SLC4A10: variants seen among roughly 807,000 people sequenced by gnomAD.
SLC4A10 encodes the protein solute carrier family 4 member 10, also known as sodium-driven chloride bicarbonate exchanger.
SLC4A10 carries 42 observed loss-of-function variants against 137.7 expected under a neutral mutation model. The ratio of observed to expected loss-of-function variants is 0.30; its 90% CI spans 0.24 to 0.39. The LOEUF (loss-of-function observed/expected upper bound fraction) is 0.39. Among genes scored for constraint, SLC4A10 ranks in the 10% least tolerant of loss-of-function variants. The pLI is 1.00. For synonymous variants in SLC4A10, 474 were observed against 464.1 expected (o/e 1.02, Z -0.27); for missense variants, 925 against 1,355.0 (o/e 0.68, Z 4.98).
At chr2:161,899,692 T>A (rs955123939) in intron 11 of SLC4A10, among the ~76,000 whole-genome samples, 1 of 152,130 alleles carries the variant, frequency 6.6e-6, no homozygotes, top group African/African-American at 2.4e-5. Context: ...TTCTGAGACC[T>A]GTGAAAGCTA....
intron 1 of SLC4A10, among the ~76,000 whole-genome samples, chr2:161,698,191 C>T (rs992502154): frequency 6.6e-6 from 1 of 152,196 alleles, no homozygotes; most frequent in Non-Finnish European, 1.5e-5. Context: ...TGCTTCCCAG[C>T]TTAAGGAGAT....
At chr2:161,801,415 A>T (rs2055353691) in intron 2 of SLC4A10, among the ~76,000 whole-genome samples, 1 of 151,884 alleles carries the variant, frequency 6.6e-6, no homozygotes, top group African/African-American at 2.4e-5. Context: ...TCAAAATTAC[A>T]CTGTCTGCTG....
intron 1 of SLC4A10, among the ~76,000 whole-genome samples, chr2:161,681,492 C>T (rs1300137855): frequency 1.3e-5 from 2 of 152,112 alleles, no homozygotes; most frequent in African/African-American, 2.4e-5. Flanking sequence ...TATACATTTT[C>T]TAATCCTAAA....
intron 1 of SLC4A10, among the ~76,000 whole-genome samples, chr2:161,750,659 A>G (rs1440314740): frequency 1.3e-5 from 2 of 151,802 alleles, no homozygotes; most frequent in East Asian, 1.9e-4. Context: ...TGTAATCTAT[A>G]CTGGAGAATA....
chr2:161,636,240 G>C (rs1208306068), intron 1 of SLC4A10, among the ~76,000 whole-genome samples: 1 of 152,070 alleles, frequency 6.6e-6, no homozygotes, highest in Non-Finnish European at 1.5e-5. Context: ...AGATCATGCA[G>C]TATTTGTCCT....
intron 26 of SLC4A10, among the ~76,000 whole-genome samples, chr2:161,980,211 G>A (rs565678718): frequency 6.6e-6 from 1 of 152,260 alleles, no homozygotes; most frequent in African/African-American, 2.4e-5. Flanking sequence ...CTTGGTGACA[G>A]AGGCTAGTCT....
chr2:161,946,554 G>T (rs544272496), intron 16 of SLC4A10, among the ~76,000 whole-genome samples: 6 of 152,120 alleles, frequency 3.9e-5, no homozygotes, highest in African/African-American at 1.4e-4. Context: ...GAGATCACTG[G>T]ATCATTTAAA....
At chr2:161,738,949 C>T (rs1177591524) in intron 1 of SLC4A10, among the ~76,000 whole-genome samples, 2 of 152,140 alleles carry the variant, frequency 1.3e-5, no homozygotes, top group Non-Finnish European at 2.9e-5. Context: ...CTTTTAGCCC[C>T]AATTTTGCCA....
chr2:161,856,389 A>ACACACG (rs2125862259), intron 5 of SLC4A10, among the ~76,000 whole-genome samples: 1 of 148,170 alleles, frequency 6.7e-6, no homozygotes, highest in East Asian at 2.0e-4. Context: ...ACACACACAC[A>ACACACG]CACACACACC....
At chr2:161,739,320 A>C (rs534519531) in intron 1 of SLC4A10, among the ~76,000 whole-genome samples, 203 of 152,270 alleles carry the variant, frequency 1.3e-3, no homozygotes, top group Admixed American at 2.5e-3. Context: ...TTTTGAAGGC[A>C]TGTAAGCTAG....
At chr2:161,982,740 A>C (rs373191657) in intron 26 of SLC4A10, among the ~76,000 whole-genome samples, 2 of 152,186 alleles carry the variant, frequency 1.3e-5, no homozygotes, top group African/African-American at 4.8e-5. Context: ...GATCCAGTCC[A>C]TGCACAAGGG....
At chr2:161,925,081 C>A (rs1334936888) in intron 15 of SLC4A10, among the ~76,000 whole-genome samples, 14 of 152,128 alleles carry the variant, frequency 9.2e-5, no homozygotes, top group Non-Finnish European at 2.1e-4. Flanking sequence ...GTTCTGGAGT[C>A]ATCTCACTCT....
At chr2:161,861,761 T>C (rs1460646198) in intron 5 of SLC4A10, among the ~76,000 whole-genome samples, 2 of 152,224 alleles carry the variant, frequency 1.3e-5, no homozygotes, top group Non-Finnish European at 2.9e-5. Context: ...ATATATGATA[T>C]AGATATTATT....
intron 15 of SLC4A10, among the ~76,000 whole-genome samples, chr2:161,937,973 C>T (rs914620874): frequency 6.6e-6 from 1 of 151,776 alleles, no homozygotes; most frequent in Non-Finnish European, 1.5e-5. Flanking sequence ...AAAAAAAAAT[C>T]AAGCTTTTAA....
At chr2:161,738,045 A>G (rs1034740336) in intron 1 of SLC4A10, among the ~76,000 whole-genome samples, 13 of 152,138 alleles carry the variant, frequency 8.5e-5, no homozygotes, top group African/African-American at 2.9e-4. Flanking sequence ...GATCCAGACC[A>G]GTTTCTGTTG....
At chr2:161,823,398 T>G (rs1422703389) in intron 3 of SLC4A10, among the ~76,000 whole-genome samples, 1 of 152,224 alleles carries the variant, frequency 6.6e-6, no homozygotes, top group Non-Finnish European at 1.5e-5. Context: ...GTGATGCTAA[T>G]CACGTCTACC....
At chr2:161,839,744 C>T (rs374251396) in intron 3 of SLC4A10, 45 bp from the exon 4 acceptor site, 25 of 1,604,670 alleles carry the variant, frequency 1.6e-5, no homozygotes, top group South Asian at 1.3e-4. Flanking sequence ...AGCTCAGGGT[C>T]GTGGTAATAC....
intron 10 of SLC4A10, among the ~76,000 whole-genome samples, chr2:161,893,012 C>T (rs1021242342): frequency 6.6e-6 from 1 of 151,960 alleles, no homozygotes; most frequent in African/African-American, 2.4e-5. Flanking sequence ...ACTTAGGCCC[C>T]CTGTGCTTAT....
chr2:161,954,214 A>G (rs761928364), intron 19 of SLC4A10, among the ~76,000 whole-genome samples: 18 of 152,104 alleles, frequency 1.2e-4, no homozygotes, highest in Non-Finnish European at 2.2e-4. Context: ...CTGGTTCTTC[A>G]TGTCAATCTA....
Sources: allele counts gnomAD v4.1 joint callset (sites outside exome capture counted in the v4.1 genomes callset), GRCh38; gene constraint gnomAD v4.1.1; transcripts MANE v1.5; gene names NCBI Gene and HGNC (gene_info 2026-07-23, HGNC 2026-07-21).